CACNA2D1: variants seen among roughly 807,000 people sequenced by gnomAD.
The protein encoded by CACNA2D1 is calcium voltage-gated channel auxiliary subunit alpha2delta 1.
Under a neutral mutation model 171.5 loss-of-function variants are expected in CACNA2D1, and 53 were observed. That is an observed-to-expected ratio of 0.31 (90% CI 0.25 to 0.39). CACNA2D1 has a LOEUF of 0.39. CACNA2D1 is among the 10% of genes least tolerant of loss of function. The pLI is 1.00. For synonymous variants in CACNA2D1, 442 were observed against 443.1 expected, an observed-to-expected ratio of 1.00 and a Z score of 0.03; for missense variants, 903 against 1,299.8, an observed-to-expected ratio of 0.69 and a Z score of 4.69.
chr7:82,376,770 G>A (rs907876113), intron 1 of CACNA2D1, among the ~76,000 whole-genome samples: 3 of 152,146 alleles, frequency 2.0e-5, no homozygotes, highest in African/African-American at 4.8e-5. Context: ...TCAGCTCACC[G>A]TTGATGAAAG....
chr7:82,393,083 A>AAGGAAGGAAGGAAGGCAGGC (rs1208617777), intron 1 of CACNA2D1, among the ~76,000 whole-genome samples: 32 of 82,354 alleles, frequency 3.9e-4, no homozygotes, highest in African/African-American at 4.8e-4. Context: ...GGAAGGAAGG[A>AAGGAAGGAAGGAAGGCAGGC]AGGCAGGCAG....
chr7:82,351,659 A>C (rs1265857662), intron 1 of CACNA2D1, among the ~76,000 whole-genome samples: 1 of 152,210 alleles, frequency 6.6e-6, no homozygotes, highest in Non-Finnish European at 1.5e-5. Context: ...TGTTATAATA[A>C]CATTTTAACT....
chr7:82,146,593 T>G (rs896673865), intron 4 of CACNA2D1, among the ~76,000 whole-genome samples: 1 of 150,234 alleles, frequency 6.7e-6, no homozygotes, highest in African/African-American at 2.4e-5. Context: ...AATGTTCTAT[T>G]GTGCATATAC....
At chr7:82,198,213 G>A (rs2129200086) in intron 3 of CACNA2D1, among the ~76,000 whole-genome samples, 1 of 152,224 alleles carries the variant, frequency 6.6e-6, no homozygotes, top group African/African-American at 2.4e-5. Context: ...TGCTATTAAG[G>A]CCCATATTTT....
intron 24 of CACNA2D1, 74 bp downstream of exon 24, chr7:81,982,490 GTCT>G (rs1237460938): frequency 1.3e-5 from 11 of 819,382 alleles, no homozygotes; most frequent in Non-Finnish European, 2.4e-5. Context: ...ACCCAGAGCA[GTCT>G]TGACTCAATT....
intron 38 of CACNA2D1, among the ~76,000 whole-genome samples, chr7:81,956,941 T>G (rs1480785362): frequency 6.6e-6 from 1 of 152,056 alleles, no homozygotes; most frequent in Non-Finnish European, 1.5e-5. Flanking sequence ...TAATTAATAA[T>G]TTTGGGCTAG....
rs745345418 is a variant in CACNA2D1 at position 82,178,516 on chromosome 7, C to T, written c.295-7907G>A. 2.6e-3 allele frequency among the ~76,000 whole-genome samples: 397 copies of T among 152,178 alleles called. 1 individual carries two copies. Among genetic ancestry groups the T allele is most frequent in the Non-Finnish European group, 3.5e-3 (237 of 67,996 alleles). On this transcript the variant is annotated intron_variant, in intron 3 of 38. Transcript: ENST00000356860. Reference sequence around the variant, plus strand: ...TTGAACTTGTTGAACACACCTGGACCCCATGAAAACCCCTCCAATCCCACC... The same window carrying T: ...TTGAACTTGTTGAACACACCTGGACTCCATGAAAACCCCTCCAATCCCACC...
intron 1 of CACNA2D1, among the ~76,000 whole-genome samples, chr7:82,378,515 T>A (rs183367097): frequency 6.6e-6 from 1 of 152,352 alleles, no homozygotes; most frequent in African/African-American, 2.4e-5. Flanking sequence ...TTAAAAATTA[T>A]ATTTTGTTAT....
At chr7:82,030,314 T>G in intron 12 of CACNA2D1, among the ~76,000 whole-genome samples, 1 of 151,672 alleles carries the variant, frequency 6.6e-6, no homozygotes, top group South Asian at 2.1e-4. Flanking sequence ...ACATAAAACT[T>G]TGTGTGTTTA....
chr7:82,427,203 G>T (rs1023020006), intron 1 of CACNA2D1, among the ~76,000 whole-genome samples: 1 of 152,030 alleles, frequency 6.6e-6, no homozygotes. Context: ...CAATTTGGAT[G>T]GTAGCAAAAT....
At chr7:82,264,060 G>T (rs1476801543) in intron 3 of CACNA2D1, among the ~76,000 whole-genome samples, 1 of 152,042 alleles carries the variant, frequency 6.6e-6, no homozygotes, top group Non-Finnish European at 1.5e-5. Flanking sequence ...TCTTTAAAAA[G>T]GATGTTTATG....
intron 20 of CACNA2D1, among the ~76,000 whole-genome samples, chr7:81,991,857 CG>C (rs780512535): frequency 6.7e-6 from 1 of 149,458 alleles, no homozygotes; most frequent in African/African-American, 2.5e-5. Flanking sequence ...TTTTTTTAGA[CG>C]GAGTATCGCT....
At chr7:82,279,223 G>A (rs976384959) in intron 3 of CACNA2D1, among the ~76,000 whole-genome samples, 2 of 152,172 alleles carry the variant, frequency 1.3e-5, no homozygotes, top group Non-Finnish European at 2.9e-5. Flanking sequence ...AATATGTTCT[G>A]CAAAAGTATG....
intron 1 of CACNA2D1, among the ~76,000 whole-genome samples, chr7:82,365,446 A>G (rs1220866976): frequency 6.6e-6 from 1 of 152,182 alleles, no homozygotes; most frequent in Non-Finnish European, 1.5e-5. Context: ...TTTATTCAGA[A>G]GAAAGTATTT....
At chr7:82,227,692 A>G (rs1169737982) in intron 3 of CACNA2D1, among the ~76,000 whole-genome samples, 1 of 152,156 alleles carries the variant, frequency 6.6e-6, no homozygotes, top group African/African-American at 2.4e-5. Flanking sequence ...CCAGGTTCAT[A>G]AACCATTGTT....
At chr7:81,964,719 G>A (rs1794516938) in intron 32 of CACNA2D1, among the ~76,000 whole-genome samples, 1 of 151,896 alleles carries the variant, frequency 6.6e-6, no homozygotes. Flanking sequence ...CATAAGCCTA[G>A]AGATTCAACA....
At chr7:82,059,372 C>A (rs1358355178) in intron 10 of CACNA2D1, among the ~76,000 whole-genome samples, 1 of 151,992 alleles carries the variant, frequency 6.6e-6, no homozygotes, top group Non-Finnish European at 1.5e-5. Flanking sequence ...TCTGAGGAGA[C>A]TTTAATAAGA....
chr7:82,240,505 T>A (rs929588077), intron 3 of CACNA2D1, among the ~76,000 whole-genome samples: 1 of 152,162 alleles, frequency 6.6e-6, no homozygotes, highest in African/African-American at 2.4e-5. Flanking sequence ...AGTTTTAAAA[T>A]CTCAAAGTTT....
intron 14 of CACNA2D1, among the ~76,000 whole-genome samples, chr7:82,012,755 T>G (rs891843767): frequency 2.0e-5 from 3 of 152,146 alleles, no homozygotes; most frequent in Non-Finnish European, 4.4e-5. Flanking sequence ...GCTGTTTCAT[T>G]TCAACATTCA....
Sources: allele counts gnomAD v4.1 joint callset (sites outside exome capture counted in the v4.1 genomes callset), GRCh38; gene constraint gnomAD v4.1.1; transcripts MANE v1.5; gene names NCBI Gene and HGNC (gene_info 2026-07-23, HGNC 2026-07-21).